DSTYK: variants seen among roughly 807,000 people sequenced by gnomAD.
DSTYK encodes the protein dual serine/threonine and tyrosine protein kinase, also known as RIP-homologous kinase.
DSTYK carries 34 observed loss-of-function variants against 98.7 expected under a neutral mutation model. That is an observed-to-expected ratio of 0.34 (90% CI 0.26 to 0.46). The LOEUF (loss-of-function observed/expected upper bound fraction) is 0.46. Among genes scored for constraint, DSTYK ranks in the 20% least tolerant of loss-of-function variants. The pLI is 1.00. For missense variants in DSTYK, 962 were observed against 1,181.7 expected, an observed-to-expected ratio of 0.81 and a Z score of 2.73; for synonymous variants, 462 against 457.3, an observed-to-expected ratio of 1.01 and a Z score of -0.13.
At position 205,211,363 on chromosome 1, in the gene DSTYK, G is replaced by A; in HGVS notation, c.173C>T (p.Ser58Phe). 1.9e-6 allele frequency: 3 copies of A among 1,612,596 alleles called. No individual in the cohort carries two copies. The highest frequency in any genetic ancestry group is 2.5e-6 in the Non-Finnish European group (3 of 1,179,470). Residue 58 changes from serine (S) to phenylalanine (F), a missense_variant, in exon 1 of 13, where the codon TCC becomes TTC. Physicochemically the swap from Ser to Phe is radical, Grantham distance 155. Transcript: ENST00000367162. Reference protein sequence around the residue: ...TQKFFRDIKCSHNHTCLSSLT... With the variant: ...TQKFFRDIKCFHNHTCLSSLT... The stretch of plus-strand genomic sequence containing the variant: ...GGAGGAGAGACAAGTGTGGTTGTGG[G>A]AGCACTTGATGTCGCGGAAGAACTT...
intron 2 of DSTYK, among the ~76,000 whole-genome samples, chr1:205,184,667 G>A (rs1373760206): frequency 6.6e-6 from 1 of 152,094 alleles, no homozygotes; most frequent in Non-Finnish European, 1.5e-5. Context: ...TTGCCCAAGT[G>A]TTGTACAGTG....
At chr1:205,185,019 G>A (rs1658523142) in intron 2 of DSTYK, among the ~76,000 whole-genome samples, 1 of 152,028 alleles carries the variant, frequency 6.6e-6, no homozygotes, top group Admixed American at 6.6e-5. Flanking sequence ...TGGCCAACAT[G>A]GCGAAACCCC....
intron 2 of DSTYK, among the ~76,000 whole-genome samples, chr1:205,172,364 A>G (rs1658091086): frequency 6.6e-6 from 1 of 150,638 alleles, no homozygotes; most frequent in Admixed American, 6.6e-5. Flanking sequence ...CAGTGGTGCA[A>G]TTAAGGTTCA....
rs11367 is a variant in DSTYK at position 205,147,507 on chromosome 1, A to C, written c.*51T>G. The C allele has an allele frequency of 6.4e-7, 1 of 1,562,426 alleles. No individual in the cohort carries two copies. Among genetic ancestry groups the C allele is most frequent in the African/African-American group, 1.4e-5 (1 of 73,400 alleles). On this transcript the variant is annotated 3_prime_UTR_variant, in exon 13 of 13. Transcript: ENST00000367162. The stretch of plus-strand genomic sequence containing the variant: ...ATGTCAAATTCTCCCCATGGCCAAA[A>C]GGTGAGGGGGAAGGAAATAACTAGA...
At position 205,169,220 on chromosome 1, in the gene DSTYK, T is replaced by C. The variant is rs1420452874; in HGVS notation, c.1267A>G (p.Thr423Ala). The change falls in exon 3 of 13, where the codon ACA (threonine) becomes GCA (alanine). Residue 423 changes from threonine (T) to alanine (A), a missense_variant. Thr to Ala is a moderately conservative substitution (Grantham distance 58). Coordinates refer to ENST00000367162, the MANE Select transcript of DSTYK (RefSeq NM_015375.3). This position sits in a 1 kb window ranked among gnomAD's most constrained non-coding sequence, Gnocchi z 4.0. ...AGTTCCTCCTTCATGGTATTAAGTG[T>C]CTCAACAATCATATCCTTCATTTCC... The part of the protein sequence containing the change: ...QEEMKDMIVE[T>A]LNTMKEELLD... The C allele has an allele frequency of 1.2e-6, 2 of 1,613,586 alleles. No individual in the cohort carries two copies. Among genetic ancestry groups the C allele is most frequent in the Admixed American group, 1.7e-5 (1 of 59,986 alleles).
chr1:205,211,610 G>A lies in DSTYK; in HGVS notation c.-75C>T. ...GCCTCCCTCCTCCCCGCCCCCCAGT[G>A]CCGAAGGGAGGAGGAATCCGCCTCC... On this transcript the variant is annotated 5_prime_UTR_variant, in exon 1 of 13. Coordinates refer to ENST00000367162, the MANE Select transcript of DSTYK (RefSeq NM_015375.3). 1 of 1,402,824 alleles carries A rather than the reference G, an allele frequency of 7.1e-7. No individual in the cohort carries two copies. The highest frequency in any genetic ancestry group is 9.2e-7 in the Non-Finnish European group (1 of 1,085,852). The allele number at this position is 1,402,824 out of a possible 1,614,324, so 86.9% of individuals were successfully genotyped here.
intron 2 of DSTYK, among the ~76,000 whole-genome samples, chr1:205,177,470 GGCTGAT>G (rs1658265417): frequency 6.6e-6 from 1 of 151,960 alleles, no homozygotes; most frequent in Non-Finnish European, 1.5e-5. Context: ...TTTCACACAG[GGCTGAT>G]TCTTTTTCAT....
intron 3 of DSTYK, among the ~76,000 whole-genome samples, chr1:205,168,029 C>T (rs1282163803): frequency 6.6e-6 from 1 of 152,162 alleles, no homozygotes; most frequent in African/African-American, 2.4e-5. Context: ...TTGCTTGAAC[C>T]CAGGAGGCGG....
At chr1:205,165,026 A>G (rs1160347503) in intron 3 of DSTYK, among the ~76,000 whole-genome samples, 1 of 152,194 alleles carries the variant, frequency 6.6e-6, no homozygotes, top group Non-Finnish European at 1.5e-5. Context: ...TGATCTTTGC[A>G]AAATTTCACA....
intron 2 of DSTYK, among the ~76,000 whole-genome samples, chr1:205,171,175 G>A (rs112802728): frequency 0.026 from 3,986 of 152,102 alleles, 73 homozygotes; most frequent in East Asian, 0.069. Flanking sequence ...CTTTAAGCTC[G>A]GCGCAGTGGC....
In DSTYK at chr1:205,211,532, C is replaced by T. The variant is rs906132247; in HGVS notation, c.4G>A (p.Glu2Lys). ...CTGCCCCATGGCACCCCGTCGCCCT[C>T]CATCGCCTCTGCCCGCTCTGTCTTT... M[E>K]GDGVPWGSEP... The change falls in exon 1 of 13, where the codon GAG becomes AAG. Residue 2 changes from glutamate (E) to lysine (K), a missense_variant. This residue lies in a region of DSTYK where 168 missense variants were observed against 120.0 expected (regional missense o/e 1.40). Coordinates refer to ENST00000367162, the MANE Select transcript of DSTYK (RefSeq NM_015375.3). 1 of 1,536,476 alleles carries T rather than the reference C, an allele frequency of 6.5e-7. No homozygotes were observed. Among genetic ancestry groups the T allele is most frequent in the Non-Finnish European group, 8.7e-7 (1 of 1,148,694 alleles).
intron 2 of DSTYK, among the ~76,000 whole-genome samples, chr1:205,173,867 G>A (rs1225481741): frequency 6.6e-6 from 1 of 152,024 alleles, no homozygotes; most frequent in Non-Finnish European, 1.5e-5. Context: ...TACAAGGCAT[G>A]TGCCACCATG....
At chr1:205,199,134 C>T (rs1026154115) in intron 1 of DSTYK, among the ~76,000 whole-genome samples, 2 of 152,086 alleles carry the variant, frequency 1.3e-5, no homozygotes, top group South Asian at 4.1e-4. Context: ...AAAAGCAAAA[C>T]AATCCTCAAG....
intron 1 of DSTYK, among the ~76,000 whole-genome samples, chr1:205,196,618 T>C (rs1658872959): frequency 1.3e-5 from 2 of 152,158 alleles, no homozygotes; most frequent in East Asian, 1.9e-4. Context: ...TGTCAGGGAA[T>C]GCTAGGTCTA....
intron 3 of DSTYK, among the ~76,000 whole-genome samples, chr1:205,167,596 G>T (rs1244313336): frequency 1.3e-5 from 2 of 152,132 alleles, no homozygotes; most frequent in African/African-American, 4.8e-5. Context: ...AACTGACATA[G>T]AAAATACAGG....
intron 1 of DSTYK, among the ~76,000 whole-genome samples, chr1:205,203,277 G>T (rs995861536): frequency 1.3e-5 from 2 of 149,914 alleles, no homozygotes; most frequent in African/African-American, 4.9e-5. Flanking sequence ...GAGGCCAGGA[G>T]TTCAACATCA....
chr1:205,186,283 A>C (rs1658555734), intron 2 of DSTYK, among the ~76,000 whole-genome samples: 1 of 152,210 alleles, frequency 6.6e-6, no homozygotes. Flanking sequence ...GTGAACTCTC[A>C]GTTTGAAAAC....
chr1:205,190,747 C>T (rs1658689119), intron 1 of DSTYK, among the ~76,000 whole-genome samples: 1 of 152,116 alleles, frequency 6.6e-6, no homozygotes, highest in South Asian at 2.1e-4. Context: ...CACTTCCTAG[C>T]TTTCTTCTAT....
chr1:205,148,200 C>T lies in DSTYK; in HGVS notation c.2602+5G>A. 2 of 1,614,042 alleles carry T rather than the reference C, an allele frequency of 1.2e-6. No individual in the cohort carries two copies. Among genetic ancestry groups the T allele is most frequent in the Non-Finnish European group, 1.7e-6 (2 of 1,179,962 alleles). On this transcript the variant is annotated splice_donor_5th_base_variant and intron_variant, in intron 12 of 12. Coordinates refer to ENST00000367162, the MANE Select transcript of DSTYK (RefSeq NM_015375.3). ...TTAGGACAAGGTAGTACTTGTGGCTCTTACCCCTCCGCACATTGTTCCAGA... is the reference window on the plus strand; with the variant it reads ...TTAGGACAAGGTAGTACTTGTGGCTTTTACCCCTCCGCACATTGTTCCAGA...
Sources: gnomAD v4.1 joint callset for allele counts (sites outside exome capture counted in the v4.1 genomes callset) on GRCh38, gnomAD v4.1.1 for gene constraint, gnomAD v4.1.1 regional missense constraint, Gnocchi (gnomAD v3.1) non-coding constraint, MANE v1.5 for transcripts, NCBI Gene and HGNC (gene_info 2026-07-23, HGNC 2026-07-21) for gene names.